FAT1: variants seen among roughly 807,000 people sequenced by gnomAD.
FAT1 encodes the protein FAT atypical cadherin 1.
FAT1 carries 171 observed loss-of-function variants against 329.8 expected under a neutral mutation model. The ratio of observed to expected loss-of-function variants is 0.52; its 90% CI spans 0.46 to 0.59. The LOEUF is 0.59. Among genes scored for constraint, FAT1 ranks in the 20% least tolerant of loss-of-function variants. FAT1 has a pLI of 0.00. For synonymous variants in FAT1, 2,233 were observed against 2,228.6 expected (o/e 1.00, Z -0.06); for missense variants, 5,672 against 5,774.4 (o/e 0.98, Z 0.57).
At position 186,611,578 on chromosome 4, in the gene FAT1, G is replaced by A. The variant is rs2126468358; in HGVS notation, c.9661C>T (p.Leu3221Phe). The part of the protein sequence containing the change: ...TATGTVIVSV[L>F]DINDNPPVFE... ...ACAGGGGGGTTGTCATTTATGTCAA[G>A]AACTGATACAATCACAGTGCCAGTG... The change falls in exon 14 of 27, where the codon CTT becomes TTT. Residue 3221 changes from leucine (L) to phenylalanine (F), a missense_variant. Leu to Phe is a conservative substitution (Grantham distance 22). This residue lies in a region of FAT1 where 1,706 missense variants were observed against 1,859.1 expected (regional missense o/e 0.92). Transcript: ENST00000441802. 2 of 1,613,822 alleles carry A rather than the reference G, an allele frequency of 1.2e-6. 1 individual carries two copies. The highest frequency in any genetic ancestry group is 1.7e-6 in the Non-Finnish European group (2 of 1,179,798).
chr4:186,616,398 C>T (rs914154928), intron 11 of FAT1, among the ~76,000 whole-genome samples: 1 of 152,088 alleles, frequency 6.6e-6, no homozygotes, highest in Non-Finnish European at 1.5e-5. Flanking sequence ...ATGGCCCCTC[C>T]CCACCCACTC....
chr4:186,694,944 A>G lies in FAT1; in HGVS notation c.3265+11619T>C, dbSNP rs569676657. 3.7e-4 allele frequency among the ~76,000 whole-genome samples: 56 copies of G among 152,384 alleles called. No homozygotes were observed. In the South Asian group the frequency reaches 6.8e-3, roughly 19 times the overall value. On this transcript the variant is annotated intron_variant, in intron 2 of 26. Transcript: ENST00000441802. ...GCCACTGCACTCCAGCCTGGGCAAC[A>G]GAGCGAGACTCCATCTCAAAACAAA...
At chr4:186,617,258 T>A in intron 10 of FAT1, 57 bp from the exon 11 acceptor site, 1 of 1,223,530 alleles carries the variant, frequency 8.2e-7, no homozygotes, top group Non-Finnish European at 1.1e-6. Flanking sequence ...TAAAAATAAG[T>A]AACAGAAAAA....
At chr4:186,706,462 G>T (rs2126681314) in intron 2 of FAT1, 101 bp downstream of exon 2, 1 of 1,292,184 alleles carries the variant, frequency 7.7e-7, no homozygotes, top group Non-Finnish European at 1.1e-6. Flanking sequence ...CGAGCCCAAA[G>T]AGCAACAGGG....
Position 186,636,230 on chromosome 4 carries a change from C to T in FAT1, c.3978G>A (p.Lys1326=), listed in dbSNP as rs1187220965. Residue 1326 remains lysine (K), a synonymous_variant, in exon 6 of 27, where the codon AAG becomes AAA. Transcript: ENST00000441802. ...TTTGAGGGCGACCATTGTCAACTGC[C>T]TTAATCTACAACATTTGGGCAGAGG... ...AAGEYDILSI[K]AVDNGRPQKS... 2 of 1,613,904 alleles carry T rather than the reference C, an allele frequency of 1.2e-6. No individual in the cohort carries two copies.
chr4:186,629,818 G>A (rs61270289), intron 7 of FAT1, among the ~76,000 whole-genome samples: 10,587 of 152,196 alleles, frequency 0.07, 518 homozygotes, highest in African/African-American at 0.14. Context: ...ACCAAACCAC[G>A]GAAAGGTTGC....
intron 4 of FAT1, 89 bp from the exon 5 acceptor site, chr4:186,637,003 T>G: frequency 1.7e-6 from 2 of 1,192,388 alleles, no homozygotes; most frequent in South Asian, 1.5e-5. Flanking sequence ...CGCATGTGTG[T>G]AAAGCTCTGC....
chr4:186,637,696 A>G (rs987416411), intron 4 of FAT1, among the ~76,000 whole-genome samples: 4 of 152,194 alleles, frequency 2.6e-5, no homozygotes, highest in African/African-American at 9.7e-5. Flanking sequence ...GTTTACGTCA[A>G]TGGGCACATT....
rs1272924213 is a variant in FAT1 at position 186,611,486 on chromosome 4, T to C, written c.9753A>G (p.Gln3251=). 3.1e-6 allele frequency: 5 copies of C among 1,614,002 alleles called. No homozygotes were observed. Among genetic ancestry groups the C allele is most frequent in the East Asian group, 2.2e-5 (1 of 44,874 alleles). ...EDILVGTEVL[Q]VYAASRDIEA... Reference sequence around the variant, plus strand: ...CAATATCCCGACTTGCTGCATACACTTGAAGAACTTCAGTTCCAACAAGAA... The same window carrying C: ...CAATATCCCGACTTGCTGCATACACCTGAAGAACTTCAGTTCCAACAAGAA... The change falls in exon 14 of 27, where the codon CAA becomes CAG. Residue 3251 remains glutamine (Q), a synonymous_variant. Coordinates refer to ENST00000441802, the MANE Select transcript of FAT1 (RefSeq NM_005245.4).
At chr4:186,647,258 C>G (rs1339190621) in intron 3 of FAT1, among the ~76,000 whole-genome samples, 1 of 152,184 alleles carries the variant, frequency 6.6e-6, no homozygotes, top group Admixed American at 6.5e-5. Context: ...ATGTGTTTCC[C>G]AAGACCCAGC....
rs928052098 is a variant in FAT1, at chr4:186,618,608, T to G, written c.7978A>C (p.Ser2660Arg). 2 of 1,614,060 alleles carry G rather than the reference T, an allele frequency of 1.2e-6. No individual in the cohort carries two copies. The highest frequency in any genetic ancestry group is 2.7e-5 in the African/African-American group (2 of 75,062). ...AATTCATTTTCCAAGCCAATGAGGC[T>G]CTCCTTTGTAGTGATTACGCCGGAC... The part of the protein sequence containing the change: ...KLSGVITTKE[S>R]LIGLENEFFT... Residue 2660 changes from serine to arginine, a missense_variant, in exon 10 of 27, where the codon AGC becomes CGC. This residue lies in a region of FAT1 where 3,966 missense variants were observed against 3,915.2 expected (regional missense o/e 1.01). Transcript: ENST00000441802.
In FAT1 at chr4:186,661,126, G is replaced by C. The variant is rs114869079; in HGVS notation, c.3580+2173C>G. ...AGATATGACATATACGTGTGTTGTGGGGAGGGGTACATATTTGTTTCTGTC... is the reference window on the plus strand; with the variant it reads ...AGATATGACATATACGTGTGTTGTGCGGAGGGGTACATATTTGTTTCTGTC... On this transcript the variant is annotated intron_variant, in intron 3 of 26. Transcript: ENST00000441802. 1.6e-3 allele frequency among the ~76,000 whole-genome samples: 246 copies of C among 152,304 alleles called. 3 individuals are homozygous for C. Among genetic ancestry groups the C allele is most frequent in the African/African-American group, 5.6e-3 (233 of 41,566 alleles).
intron 2 of FAT1, among the ~76,000 whole-genome samples, chr4:186,664,501 G>A (rs1049884272): frequency 6.6e-6 from 1 of 152,146 alleles, no homozygotes; most frequent in African/African-American, 2.4e-5. Context: ...CCCAAACTAG[G>A]ATACATTTCT....
In FAT1 at chr4:186,618,891, T is replaced by G; in HGVS notation, c.7695A>C (p.Ser2565=). Residue 2565 remains serine (S), a synonymous_variant, in exon 10 of 27, where the codon TCA becomes TCC. Transcript: ENST00000441802. The part of the protein sequence containing the change: ...DRETPAEKVI[S]VRLMAKDAGG... ...CAGCATCCTTAGCCATTAAACGGAC[T>G]GAGATCACTTTCTCCGCCGGGGTTT... is the stretch of plus-strand genomic sequence containing the variant. 6.2e-7 allele frequency: 1 copy of G among 1,614,010 alleles called. No homozygotes were observed. Among genetic ancestry groups the G allele is most frequent in the Non-Finnish European group, 8.5e-7 (1 of 1,179,886 alleles).
chr4:186,684,813 G>A (rs750275380), intron 2 of FAT1, among the ~76,000 whole-genome samples: 2 of 152,146 alleles, frequency 1.3e-5, no homozygotes, highest in South Asian at 2.1e-4. Context: ...TGGATAGGGC[G>A]TAACATATTA....
intron 3 of FAT1, among the ~76,000 whole-genome samples, chr4:186,653,052 G>A (rs1002002880): frequency 2.0e-5 from 3 of 152,074 alleles, no homozygotes; most frequent in Admixed American, 2.0e-4. Context: ...ACTGTATAAC[G>A]CCGTCCTCTA....
intron 2 of FAT1, among the ~76,000 whole-genome samples, chr4:186,699,911 C>T (rs906525151): frequency 3.9e-5 from 6 of 152,134 alleles, no homozygotes; most frequent in South Asian, 2.1e-4. Context: ...GTAGGTAATA[C>T]GGAAAGAACA....
intron 2 of FAT1, among the ~76,000 whole-genome samples, chr4:186,679,508 A>G (rs1743113231): frequency 6.6e-6 from 1 of 151,990 alleles, no homozygotes; most frequent in African/African-American, 2.4e-5. Flanking sequence ...AATTCAGGAA[A>G]CTGAGTTTGT....
At chr4:186,607,358 G>A (rs899674601) in intron 16 of FAT1, among the ~76,000 whole-genome samples, 47 of 151,736 alleles carry the variant, frequency 3.1e-4, no homozygotes, top group Non-Finnish European at 2.8e-4. Context: ...TGAATGGATG[G>A]ATGCATAGAT....
Sources: gnomAD v4.1 joint callset for allele counts (sites outside exome capture counted in the v4.1 genomes callset) on GRCh38, gnomAD v4.1.1 for gene constraint, gnomAD v4.1.1 regional missense constraint, MANE v1.5 for transcripts, NCBI Gene and HGNC (gene_info 2026-07-23, HGNC 2026-07-21) for gene names.